HERC1: variants seen among roughly 807,000 people sequenced by gnomAD.
HERC1 encodes the protein HECT and RLD domain containing E3 ubiquitin protein ligase family member 1, also known as probable E3 ubiquitin-protein ligase HERC1.
HERC1 carries 160 observed loss-of-function variants against 554.3 expected under a neutral mutation model. That is an observed-to-expected ratio of 0.29 (90% confidence interval 0.25 to 0.33). The LOEUF (loss-of-function observed/expected upper bound fraction) is 0.33. Ranked by LOEUF, HERC1 falls within the 10% of genes least tolerant of loss-of-function variation. The pLI, the probability that HERC1 is intolerant of heterozygous loss-of-function variation, is 1.00. For synonymous variants in HERC1, 2,175 were observed against 2,131.7 expected, an observed-to-expected ratio of 1.02 and a Z score of -0.56; for missense variants, 4,919 against 5,918.5, an observed-to-expected ratio of 0.83 and a Z score of 5.54.
At chr15:63,739,500 TA>T (rs1452796187) in intron 12 of HERC1, among the ~76,000 whole-genome samples, 2 of 151,020 alleles carry the variant, frequency 1.3e-5, no homozygotes, top group East Asian at 4.1e-4. Context: ...CCCAGCCCAC[TA>T]AGGTATTGCT....
chr15:63,821,928 GTAATTC>G (rs1567162988), intron 1 of HERC1, among the ~76,000 whole-genome samples: 1 of 152,036 alleles, frequency 6.6e-6, no homozygotes, highest in Non-Finnish European at 1.5e-5. Context: ...AGGTAGGCAA[GTAATTC>G]TATTTCAGGA....
intron 74 of HERC1, among the ~76,000 whole-genome samples, chr15:63,621,360 T>C (rs1447302319): frequency 1.3e-5 from 2 of 152,266 alleles, no homozygotes; most frequent in Non-Finnish European, 2.9e-5. Context: ...TGCCGAGATA[T>C]CTGCTGTTAG....
chr15:63,752,173 T>C (rs2075271654), intron 8 of HERC1, among the ~76,000 whole-genome samples: 1 of 152,232 alleles, frequency 6.6e-6, no homozygotes. Context: ...CAAGGCATTC[T>C]AGTTTCTCAG....
intron 19 of HERC1, among the ~76,000 whole-genome samples, chr15:63,721,996 G>A (rs1253890542): frequency 6.6e-6 from 1 of 152,110 alleles, no homozygotes; most frequent in African/African-American, 2.4e-5. Flanking sequence ...GAGTAGCTGG[G>A]ATTACAGGCA....
intron 33 of HERC1, among the ~76,000 whole-genome samples, chr15:63,689,044 C>T (rs962183786): frequency 3.3e-5 from 5 of 152,094 alleles, no homozygotes; most frequent in African/African-American, 9.7e-5. Flanking sequence ...CTGTGGAACA[C>T]CAACATTTTG....
chr15:63,645,366 A>G (rs911594136), intron 56 of HERC1, 117 bp downstream of exon 56: 2 of 756,672 alleles, frequency 2.6e-6, no homozygotes, highest in East Asian at 2.7e-5. Flanking sequence ...GTTACACATT[A>G]TAAGAATAGC....
At chr15:63,629,791 G>A (rs1486751498) in intron 69 of HERC1, among the ~76,000 whole-genome samples, 2 of 152,180 alleles carry the variant, frequency 1.3e-5, no homozygotes, top group Non-Finnish European at 2.9e-5. Flanking sequence ...GGCACTAGGG[G>A]AAGCCAGACC....
rs566265460 is a variant in HERC1 at position 63,812,812 on chromosome 15, A to G, written c.-27+21015T>C. 1.2e-3 allele frequency among the ~76,000 whole-genome samples: 184 copies of G among 152,316 alleles called. 1 individual carries two copies. The highest frequency in any genetic ancestry group is 4.4e-3 in the African/African-American group (181 of 41,588). On this transcript the variant is annotated intron_variant, in intron 1 of 77. Transcript: ENST00000443617. ...TAATAAACGAAAAAATTATTAAGGA[A>G]AGAAATCAAAGATAATCAAAATAGA... is the stretch of plus-strand genomic sequence containing the variant.
In HERC1 at chr15:63,700,708, C is replaced by CAAA. The variant is rs11314964; in HGVS notation, c.4637-1715_4637-1713dup. On this transcript the variant is annotated intron_variant, in intron 25 of 77. Transcript: ENST00000443617. Reference sequence around the variant, plus strand: ...TGGGTGACAGGGCGAGACCCTGCCTCAAAAAAAAAAAAAAAAAAAAAAGCT... The same window carrying CAAA: ...TGGGTGACAGGGCGAGACCCTGCCTCAAAAAAAAAAAAAAAAAAAAAAAAAGCT... Among the ~76,000 whole-genome samples, 32 of 64,498 alleles carry CAAA rather than the reference C, an allele frequency of 5.0e-4. 1 individual carries two copies. Among genetic ancestry groups the CAAA allele is most frequent in the South Asian group, 2.2e-3 (3 of 1,362 alleles). 42.3% of individuals were successfully genotyped at this position (64,498 alleles called of 152,430 possible).
chr15:63,718,498 T>TC lies in HERC1; in HGVS notation c.3978+75dup. On this transcript the variant is annotated intron_variant, in intron 21 of 77. Coordinates refer to ENST00000443617, the MANE Select transcript of HERC1 (RefSeq NM_003922.4). The surrounding 1 kb of genome is among the most constrained non-coding windows in gnomAD (Gnocchi z 4.2). ...ATGCAATAACCAAGGCACATTTTTTTCTCACATAAACCAATTTAGAGCTAG... is the reference window on the plus strand; with the variant it reads ...ATGCAATAACCAAGGCACATTTTTTTCCTCACATAAACCAATTTAGAGCTAG... 2 of 1,418,668 alleles carry TC rather than the reference T, an allele frequency of 1.4e-6. No individual in the cohort carries two copies. Among genetic ancestry groups the TC allele is most frequent in the Non-Finnish European group, 9.4e-7 (1 of 1,062,996 alleles). The allele number at this position is 1,418,668 out of a possible 1,614,324, so 87.9% of individuals were successfully genotyped here.
intron 14 of HERC1, among the ~76,000 whole-genome samples, chr15:63,730,026 CAAAAAAAAAAAAA>C (rs57121923): frequency 4.2e-5 from 3 of 71,482 alleles, no homozygotes; most frequent in East Asian, 6.3e-4. Context: ...AACTATGTCT[CAAAAAAAAAAAAA>C]AAAAAAAAGC....
chr15:63,827,303 T>TCC (rs1240093174), intron 1 of HERC1, among the ~76,000 whole-genome samples: 1 of 151,912 alleles, frequency 6.6e-6, no homozygotes, highest in Non-Finnish European at 1.5e-5. Context: ...ACACTTGTAG[T>TCC]CCCAGCTACT....
intron 51 of HERC1, among the ~76,000 whole-genome samples, chr15:63,652,766 C>T (rs966001477): frequency 6.6e-6 from 1 of 152,182 alleles, no homozygotes; most frequent in Non-Finnish European, 1.5e-5. Flanking sequence ...AATTTTCATG[C>T]CTCAGCCTCC....
chr15:63,692,159 G>C lies in HERC1; in HGVS notation c.5830+252C>G, dbSNP rs1196058363. On this transcript the variant is annotated intron_variant, in intron 31 of 77. Transcript: ENST00000443617. This position sits in a 1 kb window ranked among gnomAD's most constrained non-coding sequence, Gnocchi z 4.7. The stretch of plus-strand genomic sequence containing the variant: ...ATGTTCTCTGCTTACTCTTAGGTTT[G>C]TAATCTGAACAAAGAGGATGAAGTT... Among the ~76,000 whole-genome samples, 1 of 152,210 alleles carries C rather than the reference G, an allele frequency of 6.6e-6. No homozygotes were observed. The highest frequency in any genetic ancestry group is 1.5e-5 in the Non-Finnish European group (1 of 68,036).
intron 1 of HERC1, among the ~76,000 whole-genome samples, chr15:63,810,991 T>C (rs2077288977): frequency 6.6e-6 from 1 of 152,078 alleles, no homozygotes. Flanking sequence ...ATAAGACAAC[T>C]GGCCTAGATT....
chr15:63,656,497 A>C, intron 48 of HERC1, 139 bp from the exon 49 acceptor site: 1 of 749,390 alleles, frequency 1.3e-6, no homozygotes, highest in Non-Finnish European at 2.1e-6. Flanking sequence ...TACATGTCCT[A>C]AGAGTTGCCA....
At chr15:63,620,323 C>T (rs1167304592) in intron 74 of HERC1, among the ~76,000 whole-genome samples, 1 of 152,058 alleles carries the variant, frequency 6.6e-6, no homozygotes, top group Non-Finnish European at 1.5e-5. Flanking sequence ...TTTCTTAATC[C>T]TGAGTTCTAG....
At position 63,609,382 on chromosome 15, in the gene HERC1, A is replaced by T. The variant is rs1023218405; in HGVS notation, c.14401-116T>A. 16 of 910,100 alleles carry T rather than the reference A, an allele frequency of 1.8e-5. No individual in the cohort carries two copies. The Admixed American group carries it at 3.4e-4, about 19-fold the overall frequency. The allele number at this position is 910,100 out of a possible 1,614,324, so 56.4% of individuals were successfully genotyped here. ...TGGAATTAACATGGCCACATGGTTA[A>T]GTCAAGTGGACACAGAGACTGGGCC... On this transcript the variant is annotated intron_variant, in intron 77 of 77. Coordinates refer to ENST00000443617, the MANE Select transcript of HERC1 (RefSeq NM_003922.4).
chr15:63,695,312 CA>C (rs1311146066), intron 27 of HERC1, among the ~76,000 whole-genome samples: 1 of 151,106 alleles, frequency 6.6e-6, no homozygotes, highest in Non-Finnish European at 1.5e-5. Flanking sequence ...GCTGGGACTA[CA>C]GATGGGTGCC....
Sources: gnomAD v4.1 joint callset for allele counts (sites outside exome capture counted in the v4.1 genomes callset) on GRCh38, gnomAD v4.1.1 for gene constraint, Gnocchi (gnomAD v3.1) non-coding constraint, MANE v1.5 for transcripts, NCBI Gene and HGNC (gene_info 2026-07-23, HGNC 2026-07-21) for gene names.